MYT1L: variants seen among roughly 807,000 people sequenced by gnomAD.
The protein encoded by MYT1L is myelin transcription factor 1 like.
A neutral mutation model predicts 126.7 loss-of-function variants in MYT1L; 12 were observed. The observed-to-expected ratio is 0.09, with a 90% CI of 0.06 to 0.15. The LOEUF (loss-of-function observed/expected upper bound fraction) is 0.15, where lower values mean the gene tolerates loss of function less well. MYT1L is among the 10% of genes least tolerant of loss of function. The pLI is 1.00. For synonymous variants in MYT1L, 541 were observed against 604.2 expected (o/e 0.90, Z 1.53); for missense variants, 979 against 1,585.2 (o/e 0.62, Z 6.49).
intron 3 of MYT1L, among the ~76,000 whole-genome samples, chr2:2,150,975 T>C (rs2148304308): frequency 6.6e-6 from 1 of 151,926 alleles, no homozygotes; most frequent in South Asian, 2.1e-4. Context: ...TGTGACAAAT[T>C]TCAAGGCTGG....
intron 3 of MYT1L, among the ~76,000 whole-genome samples, chr2:2,083,583 C>T (rs73911338): frequency 0.02 from 3,040 of 152,300 alleles, 89 homozygotes; most frequent in African/African-American, 0.065. Context: ...TATAGGAAAC[C>T]GGTTTAACCA....
intron 3 of MYT1L, among the ~76,000 whole-genome samples, chr2:2,086,600 C>CT (rs1387561458): frequency 6.6e-6 from 1 of 152,268 alleles, no homozygotes; most frequent in East Asian, 1.9e-4. Flanking sequence ...ACCTCCATGC[C>CT]TTATCACCCC....
intron 2 of MYT1L, among the ~76,000 whole-genome samples, chr2:2,280,059 A>T (rs1249982934): frequency 2.0e-5 from 3 of 152,254 alleles, no homozygotes; most frequent in Non-Finnish European, 4.4e-5. Flanking sequence ...GAAATAAAGA[A>T]ATAAACTATA....
chr2:2,319,988 T>G (rs2096133278), intron 1 of MYT1L, among the ~76,000 whole-genome samples: 1 of 152,188 alleles, frequency 6.6e-6, no homozygotes, highest in South Asian at 2.1e-4. Flanking sequence ...TGATATTTTC[T>G]TTCTAGAAGA....
intron 2 of MYT1L, among the ~76,000 whole-genome samples, chr2:2,220,752 G>GAT (rs140311489): frequency 8.2e-4 from 123 of 150,492 alleles, no homozygotes; most frequent in African/African-American, 1.5e-3. Flanking sequence ...AGCAAGTCAC[G>GAT]ATATATATAT....
intron 2 of MYT1L, among the ~76,000 whole-genome samples, chr2:2,183,630 T>C (rs577571636): frequency 1.3e-5 from 2 of 152,292 alleles, no homozygotes; most frequent in East Asian, 1.9e-4. Context: ...ATATTCTTCA[T>C]AGTTGCAGCT....
chr2:2,005,797 T>C (rs967315939), intron 4 of MYT1L, among the ~76,000 whole-genome samples: 2 of 147,682 alleles, frequency 1.4e-5, no homozygotes, highest in African/African-American at 5.1e-5. Context: ...CGTTCTTTCC[T>C]GTGTGCCTTT....
At chr2:2,073,163 A>G (rs140721082) in intron 3 of MYT1L, among the ~76,000 whole-genome samples, 1 of 152,316 alleles carries the variant, frequency 6.6e-6, no homozygotes, top group Admixed American at 6.5e-5. Flanking sequence ...GGATATTAAC[A>G]TAAGGATTTT....
chr2:2,283,774 C>T (rs1329796883), intron 2 of MYT1L, among the ~76,000 whole-genome samples: 1 of 152,128 alleles, frequency 6.6e-6, no homozygotes, highest in Non-Finnish European at 1.5e-5. Flanking sequence ...AAATGATTCC[C>T]AAGGATGTGC....
chr2:1,821,088 T>A (rs1043515172), intron 21 of MYT1L, among the ~76,000 whole-genome samples: 6 of 152,134 alleles, frequency 3.9e-5, no homozygotes, highest in Admixed American at 3.9e-4. Context: ...CATATATAAA[T>A]CCTACTGGTC....
chr2:2,154,220 G>A (rs2148344402), intron 3 of MYT1L, among the ~76,000 whole-genome samples: 1 of 152,252 alleles, frequency 6.6e-6, no homozygotes, highest in South Asian at 2.1e-4. Flanking sequence ...CTAACTCATA[G>A]GTTTCTTAGT....
At chr2:1,921,069 G>A (rs764477034) in intron 10 of MYT1L, among the ~76,000 whole-genome samples, 16 of 152,184 alleles carry the variant, frequency 1.1e-4, no homozygotes, top group Admixed American at 5.2e-4. Flanking sequence ...TGCCACAGTG[G>A]GAAAAAGTGC....
At chr2:1,920,914 G>A (rs1320537797) in intron 10 of MYT1L, among the ~76,000 whole-genome samples, 6 of 152,194 alleles carry the variant, frequency 3.9e-5, no homozygotes, top group African/African-American at 7.2e-5. Flanking sequence ...TTCACCTTGC[G>A]ACTGAAACGC....
At chr2:1,890,364 C>A in intron 15 of MYT1L, among the ~76,000 whole-genome samples, 1 of 152,238 alleles carries the variant, frequency 6.6e-6, no homozygotes, top group Non-Finnish European at 1.5e-5. Flanking sequence ...TGAGCCACTG[C>A]GCCTGGCTGT....
At chr2:2,111,718 T>C (rs754549597) in intron 3 of MYT1L, among the ~76,000 whole-genome samples, 1 of 152,074 alleles carries the variant, frequency 6.6e-6, no homozygotes, top group Admixed American at 6.6e-5. Context: ...ACTAGAATAG[T>C]TGGATTGTGT....
At position 1,791,171 on chromosome 2, in the gene MYT1L, A is replaced by C; in HGVS notation, c.*696T>G. The C allele has an allele frequency of 2.2e-6, 1 of 462,978 alleles. No homozygotes were observed. The highest frequency in any genetic ancestry group is 7.0e-5 in the East Asian group (1 of 14,374). The allele number at this position is 462,978 out of a possible 1,614,324, so 28.7% of individuals were successfully genotyped here. Reference sequence around the variant, plus strand: ...CATGGCTTGATGTTGTCTTACAATAAATTACTTATTTCATTTCTTACAGTT... The same window carrying C: ...CATGGCTTGATGTTGTCTTACAATACATTACTTATTTCATTTCTTACAGTT... On this transcript the variant is annotated 3_prime_UTR_variant, in exon 25 of 25. Coordinates refer to ENST00000647738, the MANE Select transcript of MYT1L (RefSeq NM_001303052.2). This position sits in a 1 kb window ranked among gnomAD's most constrained non-coding sequence, Gnocchi z 6.0.
At chr2:2,060,796 T>C (rs1451947434) in intron 3 of MYT1L, among the ~76,000 whole-genome samples, 1 of 147,474 alleles carries the variant, frequency 6.8e-6, no homozygotes, top group Non-Finnish European at 1.5e-5. Flanking sequence ...TTTCCTTTCC[T>C]TTCCTTTCCT....
chr2:2,256,891 T>C (rs1427031016), intron 2 of MYT1L, among the ~76,000 whole-genome samples: 2 of 152,242 alleles, frequency 1.3e-5, no homozygotes, highest in Non-Finnish European at 2.9e-5. Context: ...AGAGTGTGCA[T>C]GTGTGTGTAA....
At chr2:1,880,090 G>A (rs1052593486) in intron 18 of MYT1L, among the ~76,000 whole-genome samples, 4 of 152,114 alleles carry the variant, frequency 2.6e-5, no homozygotes, top group Non-Finnish European at 4.4e-5. Context: ...TGGGAGAGTC[G>A]AGCTCCCTAC....
Sources: allele counts gnomAD v4.1 joint callset (sites outside exome capture counted in the v4.1 genomes callset), GRCh38; gene constraint gnomAD v4.1.1; non-coding constraint Gnocchi (gnomAD v3.1); transcripts MANE v1.5; gene names NCBI Gene and HGNC (gene_info 2026-07-23, HGNC 2026-07-21).